CMIP: variants seen among roughly 807,000 people sequenced by gnomAD.
CMIP encodes C-Maf-inducing protein.
Under a neutral mutation model 97.3 loss-of-function variants are expected in CMIP, and 13 were observed. The observed-to-expected ratio is 0.13, with a 90% CI of 0.09 to 0.21. The LOEUF (loss-of-function observed/expected upper bound fraction) is 0.21, where lower values mean the gene tolerates loss of function less well. Among genes scored for constraint, CMIP ranks in the 10% least tolerant of loss-of-function variants. CMIP has a pLI of 1.00. For synonymous variants in CMIP, 538 were observed against 436.3 expected (o/e 1.23, Z -2.91); for missense variants, 847 against 1,024.9 (o/e 0.83, Z 2.37).
chr16:81,657,673 G>A (rs1032511264), intron 4 of CMIP, 102 bp from the exon 5 acceptor site: 21 of 953,900 alleles, frequency 2.2e-5, no homozygotes, highest in Admixed American at 5.1e-5. Context: ...GGTCTGTGAC[G>A]CTGAAGATGT....
At chr16:81,485,432 G>A (rs921203832) in intron 1 of CMIP, among the ~76,000 whole-genome samples, 3 of 152,186 alleles carry the variant, frequency 2.0e-5, no homozygotes, top group African/African-American at 7.2e-5. Context: ...AAGTGGTTCT[G>A]GTTCATGAAA....
chr16:81,640,690 GC>G (rs1045038602), intron 3 of CMIP, among the ~76,000 whole-genome samples: 6 of 151,472 alleles, frequency 4.0e-5, no homozygotes, highest in African/African-American at 1.5e-4. Flanking sequence ...TCCTTGATGC[GC>G]CTTGGCATCC....
intron 13 of CMIP, 123 bp from the exon 14 acceptor site, chr16:81,696,437 G>T: frequency 2.1e-6 from 2 of 950,622 alleles, no homozygotes; most frequent in Non-Finnish European, 3.2e-6. Context: ...AGGAAACAAA[G>T]TTAAGCGGGT....
chr16:81,535,987 C>A (rs1302539084), intron 1 of CMIP, among the ~76,000 whole-genome samples: 1 of 152,144 alleles, frequency 6.6e-6, no homozygotes, highest in South Asian at 2.1e-4. Context: ...GCCCAGGGAA[C>A]CTCGGTGACA....
intron 9 of CMIP, among the ~76,000 whole-genome samples, chr16:81,674,323 G>T (rs942183811): frequency 6.6e-6 from 1 of 152,182 alleles, no homozygotes; most frequent in African/African-American, 2.4e-5. Context: ...AGTAGAAATG[G>T]GGTTTCACCA....
At chr16:81,461,216 A>G (rs1342094477) in intron 1 of CMIP, among the ~76,000 whole-genome samples, 1 of 152,194 alleles carries the variant, frequency 6.6e-6, no homozygotes, top group African/African-American at 2.4e-5. Flanking sequence ...ATGGAGCATG[A>G]GGGGCTGGCT....
intron 6 of CMIP, among the ~76,000 whole-genome samples, 177 bp from the exon 7 acceptor site, chr16:81,664,092 A>C (rs1486520717): frequency 6.6e-6 from 1 of 152,002 alleles, no homozygotes; most frequent in East Asian, 1.9e-4. Flanking sequence ...TCTGCTCTGA[A>C]CCTAGAACTG....
In CMIP at chr16:81,489,343, A is replaced by G. The variant is rs1156911804; in HGVS notation, c.300+43802A>G. Among the ~76,000 whole-genome samples the G allele has an allele frequency of 4.6e-5, 7 of 152,200 alleles. No individual in the cohort carries two copies. In the East Asian group the frequency reaches 1.3e-3, roughly 29 times the overall value. ...AGGGGAGGTAGTGCTTGTTCCCCACAGAGGGGGACTTTACTTGCAGAGGCT... is the reference window on the plus strand; with the variant it reads ...AGGGGAGGTAGTGCTTGTTCCCCACGGAGGGGGACTTTACTTGCAGAGGCT... On this transcript the variant is annotated intron_variant, in intron 1 of 20. Coordinates refer to ENST00000537098, the MANE Select transcript of CMIP (RefSeq NM_198390.3).
At chr16:81,496,927 G>A (rs748625763) in intron 1 of CMIP, among the ~76,000 whole-genome samples, 12 of 152,298 alleles carry the variant, frequency 7.9e-5, no homozygotes, top group Non-Finnish European at 1.8e-4. Flanking sequence ...CAGCCTGGCA[G>A]CTGGGCCATT....
At chr16:81,644,235 T>C (rs1184317913) in intron 3 of CMIP, among the ~76,000 whole-genome samples, 2 of 152,242 alleles carry the variant, frequency 1.3e-5, no homozygotes, top group African/African-American at 4.8e-5. Flanking sequence ...GTGGTGCTGG[T>C]GCCCATGTAT....
intron 1 of CMIP, among the ~76,000 whole-genome samples, chr16:81,571,780 G>A (rs2091094325): frequency 6.6e-6 from 1 of 152,280 alleles, no homozygotes; most frequent in East Asian, 1.9e-4. Context: ...CTCATACCCT[G>A]CCTCGACCGT....
At position 81,510,284 on chromosome 16, in the gene CMIP, G is replaced by T. The variant is rs529003671; in HGVS notation, c.300+64743G>T. On this transcript the variant is annotated intron_variant, in intron 1 of 20. Coordinates refer to ENST00000537098, the MANE Select transcript of CMIP (RefSeq NM_198390.3). Reference sequence around the variant, plus strand: ...CAGGTGTCAGGGCCCTTGTTTCCCTGGGTGTGAGTCGCCCAAGTGGGACCA... The same window carrying T: ...CAGGTGTCAGGGCCCTTGTTTCCCTTGGTGTGAGTCGCCCAAGTGGGACCA... 3.3e-5 allele frequency among the ~76,000 whole-genome samples: 5 copies of T among 152,260 alleles called. No homozygotes were observed. The South Asian group carries it at 1.0e-3, about 32-fold the overall frequency.
At chr16:81,493,681 A>G (rs900668607) in intron 1 of CMIP, among the ~76,000 whole-genome samples, 12 of 152,256 alleles carry the variant, frequency 7.9e-5, no homozygotes, top group African/African-American at 2.9e-4. Flanking sequence ...TAATATAAAC[A>G]CCAACAGTAA....
At chr16:81,474,719 G>T (rs1223647674) in intron 1 of CMIP, among the ~76,000 whole-genome samples, 1 of 152,212 alleles carries the variant, frequency 6.6e-6, no homozygotes, top group Non-Finnish European at 1.5e-5. Flanking sequence ...TGCTCATGGC[G>T]CCCTCCTCCT....
intron 20 of CMIP, among the ~76,000 whole-genome samples, chr16:81,709,428 C>T (rs985887827): frequency 6.6e-6 from 1 of 152,208 alleles, no homozygotes; most frequent in Admixed American, 6.5e-5. Context: ...GTTATCTGCC[C>T]ACGGTCACGC....
At chr16:81,575,375 A>G (rs1367374681) in intron 1 of CMIP, among the ~76,000 whole-genome samples, 1 of 152,104 alleles carries the variant, frequency 6.6e-6, no homozygotes, top group African/African-American at 2.4e-5. Context: ...ATCAGTGGAG[A>G]CGACTACAAA....
intron 18 of CMIP, 63 bp from the exon 19 acceptor site, chr16:81,705,436 C>T: frequency 4.1e-6 from 5 of 1,210,762 alleles, no homozygotes; most frequent in South Asian, 1.4e-5. Flanking sequence ...ACCTCTGCCC[C>T]AGCCTCAGAG....
At chr16:81,636,361 T>C (rs2092234956) in intron 3 of CMIP, among the ~76,000 whole-genome samples, 1 of 152,074 alleles carries the variant, frequency 6.6e-6, no homozygotes, top group Non-Finnish European at 1.5e-5. Flanking sequence ...GGCAGGTGGC[T>C]CACCTGAGGT....
chr16:81,628,757 A>T (rs1423828651), intron 3 of CMIP, among the ~76,000 whole-genome samples: 1 of 152,194 alleles, frequency 6.6e-6, no homozygotes, highest in African/African-American at 2.4e-5. Flanking sequence ...CTCGTGGCAC[A>T]TCTGGGTAGA....
Sources: allele counts gnomAD v4.1 joint callset (sites outside exome capture counted in the v4.1 genomes callset), GRCh38; gene constraint gnomAD v4.1.1; transcripts MANE v1.5; gene names NCBI Gene and HGNC (gene_info 2026-07-23, HGNC 2026-07-21).